Variants in RPN2 observed in about 807,000 individuals in gnomAD.
RPN2 encodes the protein dolichyl-diphosphooligosaccharide--protein glycosyltransferase subunit 2.
In RPN2, 29 loss-of-function variants were observed where a neutral mutation model predicts 71.4. That is an observed-to-expected ratio of 0.41 (90% confidence interval 0.30 to 0.55). RPN2 has a LOEUF of 0.55. Among genes scored for constraint, RPN2 ranks in the 20% least tolerant of loss-of-function variants. The pLI is 0.35. For missense variants in RPN2, 726 were observed against 774.1 expected (o/e 0.94, Z 0.74); for synonymous variants, 308 against 305.0 (o/e 1.01, Z -0.10).
intron 13 of RPN2, among the ~76,000 whole-genome samples, chr20:37,231,901 A>G (rs1391673238): frequency 2.0e-5 from 3 of 152,144 alleles, no homozygotes; most frequent in African/African-American, 4.8e-5. Context: ...GGGCCACCCT[A>G]GGAACCCAGA....
chr20:37,224,172 A>G (rs974098497), intron 10 of RPN2, among the ~76,000 whole-genome samples: 1 of 152,074 alleles, frequency 6.6e-6, no homozygotes, highest in African/African-American at 2.4e-5. Flanking sequence ...TGTATATACC[A>G]GTGTTTAGTC....
chr20:37,202,763 G>A (rs1034836731), intron 4 of RPN2, among the ~76,000 whole-genome samples: 4 of 152,140 alleles, frequency 2.6e-5, no homozygotes, highest in Admixed American at 1.3e-4. Flanking sequence ...GATGAGCCTT[G>A]AAAACATTCT....
At chr20:37,231,376 CAAA>C (rs201796625) in intron 13 of RPN2, among the ~76,000 whole-genome samples, 3 of 147,986 alleles carry the variant, frequency 2.0e-5, no homozygotes, top group Non-Finnish European at 4.5e-5. Flanking sequence ...AAACAAAAAA[CAAA>C]AAAAAAACCA....
rs59201445 is a variant in RPN2 at position 37,189,311 on chromosome 20, CTGTGTGTGTGTATG to C, written c.207+4950_207+4963del. ...GTTCCATTTTTGCCAATGGGCCAAA[CTGTGTGTGTGTATG>C]TGTGTGTGTGTGTGTGTGTGTGTGT... On this transcript the variant is annotated intron_variant, in intron 2 of 16. Transcript: ENST00000237530. 6.8e-3 allele frequency among the ~76,000 whole-genome samples: 780 copies of C among 115,264 alleles called. 4 individuals carry two copies. The highest frequency in any genetic ancestry group is 0.016 in the South Asian group (53 of 3,346). 75.6% of individuals were successfully genotyped at this position (115,264 alleles called of 152,430 possible). A position where few individuals can be genotyped will look rare whatever the true frequency, so the allele number is the denominator to read the frequency against.
chr20:37,187,231 G>A lies in RPN2; in HGVS notation c.207+2858G>A. Among the ~76,000 whole-genome samples the A allele has an allele frequency of 2.2e-4, 2 of 9,204 alleles. 1 individual carries two copies. Among genetic ancestry groups the A allele is most frequent in the East Asian group, 1.5e-3 (2 of 1,340 alleles). The allele number at this position is 9,204 out of a possible 152,430, so 6.0% of individuals were successfully genotyped here. ...TAAGATCAATCATTTGGCGGGGCGC[G>A]GTGGCTCAAGCCTGTAATCCCAGCA... is the stretch of plus-strand genomic sequence containing the variant. On this transcript the variant is annotated intron_variant, in intron 2 of 16. Coordinates refer to ENST00000237530, the MANE Select transcript of RPN2 (RefSeq NM_002951.5).
At chr20:37,191,465 A>C (rs1432318872) in intron 2 of RPN2, among the ~76,000 whole-genome samples, 1 of 152,132 alleles carries the variant, frequency 6.6e-6, no homozygotes, top group African/African-American at 2.4e-5. Context: ...TGACAGAGCG[A>C]GACCCTGTCT....
chr20:37,236,642 C>G lies in RPN2; in HGVS notation c.1816C>G (p.Leu606Val), dbSNP rs915991522. Residue 606 changes from leucine to valine, a missense_variant, in exon 16 of 17, where the codon CTG (leucine) becomes GTG (valine). By Grantham distance (32) the Leu-to-Val change is conservative. Transcript: ENST00000237530. ...QLNMFQTLKY[L>V]AILGSVTFLA... ...CAACATGTTCCAGACCTTGAAGTAC[C>G]TGGCCATCCTGGGCAGTGTGACGTT... 1 of 1,613,964 alleles carries G rather than the reference C, an allele frequency of 6.2e-7. No individual in the cohort carries two copies. Among genetic ancestry groups the G allele is most frequent in the African/African-American group, 1.3e-5 (1 of 74,924 alleles).
chr20:37,240,240 A>G (rs2068517622), intron 16 of RPN2, among the ~76,000 whole-genome samples: 2 of 152,156 alleles, frequency 1.3e-5, no homozygotes, highest in Non-Finnish European at 2.9e-5. Flanking sequence ...GTGGGACGTA[A>G]GTTCTAGCCG....
chr20:37,195,174 T>C (rs2067228039), intron 2 of RPN2, among the ~76,000 whole-genome samples: 1 of 152,032 alleles, frequency 6.6e-6, no homozygotes, highest in African/African-American at 2.4e-5. Context: ...GGAGTCAGAG[T>C]TTCCAGTCCC....
In RPN2 at chr20:37,213,745, T is replaced by C; in HGVS notation, c.987-15T>C. 1.9e-6 allele frequency: 3 copies of C among 1,592,126 alleles called. No homozygotes were observed. The highest frequency in any genetic ancestry group is 2.6e-6 in the Non-Finnish European group (3 of 1,159,920). Reference sequence around the variant, plus strand: ...CTACCTGAGTTCTTGCTAAGCCCATTGTCATTCTTAACAGGGATGTTTTTG... The same window carrying C: ...CTACCTGAGTTCTTGCTAAGCCCATCGTCATTCTTAACAGGGATGTTTTTG... On this transcript the variant is annotated splice_polypyrimidine_tract_variant and intron_variant, in intron 8 of 16. Coordinates refer to ENST00000237530, the MANE Select transcript of RPN2 (RefSeq NM_002951.5).
At position 37,236,591 on chromosome 20, in the gene RPN2, C is replaced by A; in HGVS notation, c.1765C>A (p.Leu589Ile). Residue 589 changes from leucine (L) to isoleucine (I), a missense_variant, in exon 16 of 17, where the codon CTC becomes ATC. Physicochemically the swap from Leu to Ile is conservative, Grantham distance 5 (BLOSUM62 2). Coordinates refer to ENST00000237530, the MANE Select transcript of RPN2 (RefSeq NM_002951.5). ...ACCTCTTCTTGCAGCTATGCTGGGA[C>A]TCATGTATGTCTACTGGACTCAGCT... ...FHLGHAAMLG[L>I]MYVYWTQLNM... The A allele has an allele frequency of 1.2e-6, 2 of 1,614,122 alleles. No homozygotes were observed. The highest frequency in any genetic ancestry group is 4.5e-5 in the East Asian group (2 of 44,884).
At chr20:37,197,586 G>C (rs2146557550) in intron 2 of RPN2, among the ~76,000 whole-genome samples, 1 of 152,232 alleles carries the variant, frequency 6.6e-6, no homozygotes, top group African/African-American at 2.4e-5. Flanking sequence ...GAAATAGAAG[G>C]TTTTAAGCTC....
chr20:37,213,941 G>T, intron 9 of RPN2, 76 bp downstream of exon 9: 1 of 1,088,146 alleles, frequency 9.2e-7, no homozygotes. Flanking sequence ...AGTATTAATT[G>T]TCTGGTGCAT....
chr20:37,185,840 G>A (rs951005282), intron 2 of RPN2, among the ~76,000 whole-genome samples: 4 of 152,194 alleles, frequency 2.6e-5, no homozygotes, highest in African/African-American at 7.2e-5. Context: ...GCTTGCCTGG[G>A]CCCTCTGCTT....
intron 8 of RPN2, among the ~76,000 whole-genome samples, chr20:37,213,102 A>G (rs1157987280): frequency 6.6e-6 from 1 of 152,184 alleles, no homozygotes; most frequent in Non-Finnish European, 1.5e-5. Context: ...CAATTATACT[A>G]TCGTACACCA....
intron 9 of RPN2, among the ~76,000 whole-genome samples, chr20:37,220,921 A>AGG (rs2067938786): frequency 6.6e-6 from 1 of 152,212 alleles, no homozygotes; most frequent in African/African-American, 2.4e-5. Context: ...CAACAATGAA[A>AGG]GCTGTAACTT....
Position 37,181,080 on chromosome 20 carries a change from T to C in RPN2, c.13+1711T>C, listed in dbSNP as rs1406453962. ...CCCGTCTCTACTAAAAAGACAAAAA[T>C]TAGCTGGGCATGGTGGCACGTGCCT... On this transcript the variant is annotated intron_variant, in intron 1 of 16. Coordinates refer to ENST00000237530, the MANE Select transcript of RPN2 (RefSeq NM_002951.5). 5.9e-5 allele frequency among the ~76,000 whole-genome samples: 9 copies of C among 152,046 alleles called. No homozygotes were observed. In the South Asian group the frequency reaches 1.7e-3, roughly 28 times the overall value.
At chr20:37,234,750 G>A (rs1455070497) in intron 15 of RPN2, among the ~76,000 whole-genome samples, 1 of 149,844 alleles carries the variant, frequency 6.7e-6, no homozygotes, top group Admixed American at 6.7e-5. Context: ...GTGCATTCAT[G>A]GCTCACTGCA....
intron 11 of RPN2, among the ~76,000 whole-genome samples, 169 bp from the exon 12 acceptor site, chr20:37,228,381 C>G (rs1363597670): frequency 6.6e-6 from 1 of 152,200 alleles, no homozygotes; most frequent in Non-Finnish European, 1.5e-5. Context: ...GAGCTGGGAA[C>G]TAGGGTGGCA....
Sources: allele counts gnomAD v4.1 joint callset (sites outside exome capture counted in the v4.1 genomes callset), GRCh38; gene constraint gnomAD v4.1.1; transcripts MANE v1.5; gene names NCBI Gene and HGNC (gene_info 2026-07-23, HGNC 2026-07-21).